Variants in L3MBTL4 observed in about 807,000 individuals in gnomAD.
L3MBTL4 encodes the protein L3MBTL histone methyl-lysine binding protein 4.
L3MBTL4 carries 70 observed loss-of-function variants against 84.5 expected under a neutral mutation model. The ratio of observed to expected loss-of-function variants is 0.83; its 90% CI spans 0.68 to 1.01. The LOEUF (loss-of-function observed/expected upper bound fraction) is 1.01. L3MBTL4 is among the 50% of genes least tolerant of loss of function. The pLI is 0.00. For synonymous variants in L3MBTL4, 274 were observed against 259.8 expected (o/e 1.05, Z -0.52); for missense variants, 715 against 754.8 (o/e 0.95, Z 0.62).
intron 5 of L3MBTL4, among the ~76,000 whole-genome samples, chr18:6,257,621 T>TTTTTTC (rs1180116600): frequency 3.3e-5 from 5 of 151,402 alleles, no homozygotes; most frequent in Non-Finnish European, 5.9e-5. Flanking sequence ...TGTTCTTTTC[T>TTTTTTC]TTTTTCTTTT....
intron 16 of L3MBTL4, chr18:6,031,172 C>T (rs1035251022): frequency 2.0e-6 from 2 of 985,456 alleles, no homozygotes; most frequent in Admixed American, 6.1e-5. Context: ...GCTCCTCTCC[C>T]TCCTCCCCCG....
chr18:6,310,486 A>G (rs185170660), intron 3 of L3MBTL4, among the ~76,000 whole-genome samples: 68 of 152,322 alleles, frequency 4.5e-4, no homozygotes, highest in African/African-American at 1.6e-3. Context: ...ATTCTTTGAG[A>G]TGTCTCATGT....
At chr18:6,344,731 T>A (rs983813511) in intron 1 of L3MBTL4, among the ~76,000 whole-genome samples, 1 of 151,858 alleles carries the variant, frequency 6.6e-6, no homozygotes, top group East Asian at 1.9e-4. Context: ...GTTCAACATA[T>A]CAAAATCAAT....
Position 6,286,928 on chromosome 18 carries a change from A to C in L3MBTL4, c.127+14975T>G, listed in dbSNP as rs148973538. ...TCTGTTCACAAGGGTTCTTTTCATC[A>C]GAGAGCTGAATGAAGGAATTTTTCA... On this transcript the variant is annotated intron_variant, in intron 4 of 18. Coordinates refer to ENST00000317931, the MANE Select transcript of L3MBTL4 (RefSeq NM_001330559.2). 5.2e-3 allele frequency among the ~76,000 whole-genome samples: 798 copies of C among 152,284 alleles called. 7 individuals carry two copies. The highest frequency in any genetic ancestry group is 0.019 in the African/African-American group (779 of 41,556).
chr18:6,220,133 A>T (rs2046489201), intron 10 of L3MBTL4, among the ~76,000 whole-genome samples: 1 of 152,194 alleles, frequency 6.6e-6, no homozygotes, highest in Non-Finnish European at 1.5e-5. Flanking sequence ...CAGGGTCAAG[A>T]AAAAGCCCTT....
chr18:6,102,509 T>A (rs897352), intron 14 of L3MBTL4, among the ~76,000 whole-genome samples: 48,169 of 152,140 alleles, frequency 0.32, 10,915 homozygotes, highest in African/African-American at 0.65. Context: ...ACATTCTGAC[T>A]CCTGTATCCA....
chr18:6,201,641 T>G (rs1400901434), intron 12 of L3MBTL4, among the ~76,000 whole-genome samples: 1 of 152,054 alleles, frequency 6.6e-6, no homozygotes, highest in Non-Finnish European at 1.5e-5. Flanking sequence ...CCCAATGAAG[T>G]AAGGGATTAC....
chr18:6,038,875 C>T (rs495616), intron 16 of L3MBTL4, among the ~76,000 whole-genome samples: 65,327 of 151,720 alleles, frequency 0.43, 15,851 homozygotes, highest in East Asian at 0.66. Flanking sequence ...TAACCCCCTA[C>T]GGTTTTTGGA....
intron 1 of L3MBTL4, among the ~76,000 whole-genome samples, chr18:6,329,132 TTGTTTCTTTTTTTC>T (rs779800152): frequency 1.2e-5 from 1 of 83,716 alleles, no homozygotes; most frequent in East Asian, 3.1e-4. Flanking sequence ...TCTGTTTCTT[TTGTTTCTTTTTTTC>T]TTTTCTTTTT....
At chr18:6,018,350 G>A (rs189303045) in intron 16 of L3MBTL4, among the ~76,000 whole-genome samples, 1 of 152,292 alleles carries the variant, frequency 6.6e-6, no homozygotes, top group Admixed American at 6.5e-5. Flanking sequence ...GCTTGAGCAT[G>A]TGCACGTGAG....
At chr18:6,227,161 A>G (rs2046816223) in intron 10 of L3MBTL4, among the ~76,000 whole-genome samples, 1 of 152,222 alleles carries the variant, frequency 6.6e-6, no homozygotes, top group Non-Finnish European at 1.5e-5. Flanking sequence ...AAACTATAGA[A>G]TAAAAAGGGG....
In L3MBTL4 at chr18:6,379,772, A is replaced by G. The variant is rs1195307030; in HGVS notation, c.-91+35029T>C. On this transcript the variant is annotated intron_variant, in intron 1 of 18. Transcript: ENST00000317931. ...ATGTTCATCAGGGATATTGGAATGA[A>G]AATTTCTTTTTCTGTTTTGTCTCTG... is the stretch of plus-strand genomic sequence containing the variant. Among the ~76,000 whole-genome samples the G allele has an allele frequency of 1.4e-4, 21 of 152,118 alleles. 1 individual carries two copies. Among genetic ancestry groups the G allele is most frequent in the Admixed American group, 1.4e-3 (21 of 15,270 alleles).
chr18:5,996,955 G>T (rs1212940024), intron 16 of L3MBTL4, among the ~76,000 whole-genome samples: 1 of 152,126 alleles, frequency 6.6e-6, no homozygotes, highest in African/African-American at 2.4e-5. Flanking sequence ...TAAAAGAGAG[G>T]TGGGGAGACT....
intron 16 of L3MBTL4, among the ~76,000 whole-genome samples, chr18:6,038,735 C>T (rs994948078): frequency 1.4e-4 from 21 of 152,100 alleles, no homozygotes; most frequent in African/African-American, 5.1e-4. Context: ...AAATATTATT[C>T]AAGAGAAAAC....
chr18:6,413,074 G>A (rs188070733), intron 1 of L3MBTL4, among the ~76,000 whole-genome samples: 12 of 152,234 alleles, frequency 7.9e-5, no homozygotes, highest in African/African-American at 2.9e-4. Context: ...GACAGAGTGA[G>A]ACCCTATCTC....
chr18:6,173,802 T>C (rs1292647225), intron 12 of L3MBTL4, among the ~76,000 whole-genome samples: 1 of 151,910 alleles, frequency 6.6e-6, no homozygotes, highest in Non-Finnish European at 1.5e-5. Context: ...GACCAAAAAG[T>C]CCATGGGAGG....
intron 16 of L3MBTL4, among the ~76,000 whole-genome samples, chr18:6,041,525 T>G (rs922372084): frequency 7.3e-5 from 11 of 151,720 alleles, no homozygotes; most frequent in South Asian, 2.1e-4. Context: ...GTCTTTTCTT[T>G]GTGATCATTT....
intron 16 of L3MBTL4, chr18:6,030,140 T>TACAC: frequency 1.2e-6 from 1 of 805,754 alleles, no homozygotes; most frequent in African/African-American, 1.9e-5. Flanking sequence ...TAAATACACA[T>TACAC]ACACACATAT....
intron 10 of L3MBTL4, among the ~76,000 whole-genome samples, chr18:6,220,446 T>TAGATATC (rs2046503701): frequency 6.6e-6 from 1 of 152,138 alleles, no homozygotes; most frequent in Non-Finnish European, 1.5e-5. Flanking sequence ...TCCAGACTTG[T>TAGATATC]CACCTTATCT....
Sources: gnomAD v4.1 joint callset for allele counts (sites outside exome capture counted in the v4.1 genomes callset) on GRCh38, gnomAD v4.1.1 for gene constraint, MANE v1.5 for transcripts, NCBI Gene and HGNC (gene_info 2026-07-23, HGNC 2026-07-21) for gene names.